The following PPP1R16B variants were observed in gnomAD, a reference collection of about 807,000 sequenced individuals.
PPP1R16B encodes protein phosphatase 1 regulatory inhibitor subunit 16B.
PPP1R16B carries 14 observed loss-of-function variants against 61.7 expected under a neutral mutation model. The ratio of observed to expected loss-of-function variants is 0.23; its 90% CI spans 0.15 to 0.35. The LOEUF (loss-of-function observed/expected upper bound fraction) is 0.35. Ranked by LOEUF, PPP1R16B falls within the 10% of genes least tolerant of loss-of-function variation. The pLI is 1.00. For synonymous variants in PPP1R16B, 266 were observed against 305.3 expected, an observed-to-expected ratio of 0.87 and a Z score of 1.34; for missense variants, 547 against 752.5, an observed-to-expected ratio of 0.73 and a Z score of 3.19.
chr20:38,879,016 G>A (rs1479067060), intron 2 of PPP1R16B, among the ~76,000 whole-genome samples: 1 of 152,202 alleles, frequency 6.6e-6, no homozygotes, highest in Admixed American at 6.5e-5. Flanking sequence ...CGGCCAGTGC[G>A]TGTTTAGGCG....
intron 1 of PPP1R16B, among the ~76,000 whole-genome samples, chr20:38,820,586 T>C (rs2084767017): frequency 6.6e-6 from 1 of 151,556 alleles, no homozygotes; most frequent in Admixed American, 6.6e-5. Flanking sequence ...TTCTGTTGGG[T>C]GTATTCCTAG....
intron 2 of PPP1R16B, among the ~76,000 whole-genome samples, chr20:38,879,085 A>G (rs972241655): frequency 6.6e-6 from 1 of 152,202 alleles, no homozygotes; most frequent in Non-Finnish European, 1.5e-5. Flanking sequence ...TGAAGCTGTA[A>G]GGAGAGGTGC....
intron 2 of PPP1R16B, among the ~76,000 whole-genome samples, chr20:38,854,291 G>A (rs2084988929): frequency 6.6e-6 from 1 of 152,200 alleles, no homozygotes. Context: ...TCAGCACTGG[G>A]CAATGGCGCA....
At chr20:38,887,346 A>T (rs901832194) in intron 2 of PPP1R16B, among the ~76,000 whole-genome samples, 2 of 152,212 alleles carry the variant, frequency 1.3e-5, no homozygotes, top group Non-Finnish European at 2.9e-5. Context: ...TGCCAGTCTT[A>T]TAAACCATGA....
intron 3 of PPP1R16B, 99 bp downstream of exon 3, chr20:38,889,764 G>A: frequency 8.0e-7 from 1 of 1,242,728 alleles, no homozygotes; most frequent in South Asian, 1.2e-5. Flanking sequence ...TCAGGGAGGA[G>A]GGAATGAGGG....
At chr20:38,906,688 CTGAT>C (rs1456809523) in intron 7 of PPP1R16B, among the ~76,000 whole-genome samples, 1 of 152,178 alleles carries the variant, frequency 6.6e-6, no homozygotes, top group Non-Finnish European at 1.5e-5. Flanking sequence ...ATACAAAACT[CTGAT>C]TGTCACTTAC....
intron 2 of PPP1R16B, among the ~76,000 whole-genome samples, chr20:38,859,131 A>C (rs2085029369): frequency 6.6e-6 from 1 of 152,126 alleles, no homozygotes; most frequent in Non-Finnish European, 1.5e-5. Flanking sequence ...TGATGGCAGG[A>C]GTTTGATGGT....
chr20:38,876,743 G>A (rs1172628159), intron 2 of PPP1R16B, among the ~76,000 whole-genome samples: 1 of 152,188 alleles, frequency 6.6e-6, no homozygotes. Flanking sequence ...CTTTGTTTCT[G>A]CACTAGCTAC....
intron 2 of PPP1R16B, among the ~76,000 whole-genome samples, chr20:38,836,805 T>C (rs886203977): frequency 6.6e-6 from 1 of 152,206 alleles, no homozygotes. Context: ...GCTAGTATTA[T>C]AGGCAGGCCA....
intron 1 of PPP1R16B, among the ~76,000 whole-genome samples, chr20:38,820,985 G>A (rs915799990): frequency 6.7e-6 from 1 of 148,266 alleles, no homozygotes; most frequent in Non-Finnish European, 1.5e-5. Context: ...AGCTTGCAGT[G>A]AGCTGAGATC....
intron 5 of PPP1R16B, 127 bp downstream of exon 5, chr20:38,900,811 G>A (rs1041441575): frequency 1.3e-5 from 8 of 613,222 alleles, no homozygotes; most frequent in African/African-American, 5.9e-5. Context: ...CAGTGAATAG[G>A]ATGGGTCCCC....
At chr20:38,890,168 C>G (rs1185730731) in intron 3 of PPP1R16B, among the ~76,000 whole-genome samples, 9 of 152,348 alleles carry the variant, frequency 5.9e-5, no homozygotes, top group Non-Finnish European at 1.0e-4. Flanking sequence ...CTGGCTGTCA[C>G]CTTTCACGTG....
intron 1 of PPP1R16B, among the ~76,000 whole-genome samples, chr20:38,819,915 C>A (rs2084762073): frequency 6.6e-6 from 1 of 152,136 alleles, no homozygotes; most frequent in Non-Finnish European, 1.5e-5. Context: ...GTGCTACCAG[C>A]ACTCCAGAAG....
chr20:38,888,369 C>G (rs2085262616), intron 2 of PPP1R16B, among the ~76,000 whole-genome samples: 1 of 152,240 alleles, frequency 6.6e-6, no homozygotes, highest in South Asian at 2.1e-4. Context: ...AGTTCGTCCA[C>G]TTGCCCCACA....
intron 2 of PPP1R16B, among the ~76,000 whole-genome samples, chr20:38,846,345 A>G (rs1001832340): frequency 6.6e-6 from 1 of 152,168 alleles, no homozygotes; most frequent in Admixed American, 6.5e-5. Flanking sequence ...CAGAGAAGGG[A>G]TCGCAGAGAA....
intron 1 of PPP1R16B, among the ~76,000 whole-genome samples, chr20:38,810,023 A>C: frequency 6.7e-6 from 1 of 150,372 alleles, no homozygotes; most frequent in Non-Finnish European, 1.5e-5. Flanking sequence ...CAAAAAACTT[A>C]AAAACCCAGC....
chr20:38,826,170 TC>T (rs1176590451), intron 1 of PPP1R16B, among the ~76,000 whole-genome samples: 1 of 152,096 alleles, frequency 6.6e-6, no homozygotes, highest in Non-Finnish European at 1.5e-5. Context: ...TGGAAAATGA[TC>T]CCTCCAGCTG....
At chr20:38,849,913 T>C (rs1403979336) in intron 2 of PPP1R16B, among the ~76,000 whole-genome samples, 1 of 152,210 alleles carries the variant, frequency 6.6e-6, no homozygotes, top group Non-Finnish European at 1.5e-5. Flanking sequence ...ATTATCTACC[T>C]GTTCAGCTAG....
At chr20:38,836,830 A>AT (rs2084875976) in intron 2 of PPP1R16B, among the ~76,000 whole-genome samples, 1 of 152,162 alleles carries the variant, frequency 6.6e-6, no homozygotes, top group African/African-American at 2.4e-5. Context: ...GCCCAGCTGT[A>AT]TTTTTTTGGG....
Sources: allele counts gnomAD v4.1 joint callset (sites outside exome capture counted in the v4.1 genomes callset), GRCh38; gene constraint gnomAD v4.1.1; transcripts MANE v1.5; gene names NCBI Gene and HGNC (gene_info 2026-07-23, HGNC 2026-07-21).